Variants in SEMA3E observed in about 807,000 individuals in gnomAD.
SEMA3E encodes the protein semaphorin-3E.
In SEMA3E, 49 loss-of-function variants were observed where a neutral mutation model predicts 93.6. That is an observed-to-expected ratio of 0.52 (90% confidence interval 0.42 to 0.66). SEMA3E has a LOEUF of 0.66. Among genes scored for constraint, SEMA3E ranks in the 30% least tolerant of loss-of-function variants. The probability of loss-of-function intolerance (pLI) is 0.00; values close to 1 mark genes in which losing one functional copy is unlikely to be tolerated. For synonymous variants in SEMA3E, 363 were observed against 330.7 expected (o/e 1.10, Z -1.06); for missense variants, 906 against 964.8 (o/e 0.94, Z 0.81).
At chr7:83,623,082 A>G (rs892434009) in intron 1 of SEMA3E, among the ~76,000 whole-genome samples, 4 of 152,148 alleles carry the variant, frequency 2.6e-5, no homozygotes, top group African/African-American at 9.7e-5. Flanking sequence ...ACATGGAAAA[A>G]CAACATTATT....
rs1036141134 is a variant in SEMA3E at position 83,363,964 on chromosome 7, G to A, written c.*3622C>T. On this transcript the variant is annotated 3_prime_UTR_variant, in exon 17 of 17. Transcript: ENST00000643230. ...CTGCGGACTGCAGTGGCGCAATCTC[G>A]GCTCACTGCAAGCTCCGCTTCCCGG... is the stretch of plus-strand genomic sequence containing the variant. The A allele has an allele frequency of 7.3e-4, 92 of 126,802 alleles. 1 individual carries two copies. The highest frequency in any genetic ancestry group is 2.3e-3 in the African/African-American group (80 of 34,534). The allele number at this position is 126,802 out of a possible 1,614,324, so 7.9% of individuals were successfully genotyped here. A position where few individuals can be genotyped will look rare whatever the true frequency, so the allele number is the denominator to read the frequency against.
chr7:83,498,304 C>T (rs984038584), intron 1 of SEMA3E, among the ~76,000 whole-genome samples: 1 of 152,112 alleles, frequency 6.6e-6, no homozygotes, highest in African/African-American at 2.4e-5. Flanking sequence ...GTTGTTCAAG[C>T]ATCAGCTGTA....
chr7:83,463,649 T>A (rs1403495841), intron 4 of SEMA3E, among the ~76,000 whole-genome samples: 1 of 150,484 alleles, frequency 6.6e-6, no homozygotes, highest in African/African-American at 2.5e-5. Flanking sequence ...GATTTATTGA[T>A]GGCGGTTCCA....
At chr7:83,423,555 G>T (rs1279845091) in intron 4 of SEMA3E, among the ~76,000 whole-genome samples, 6 of 148,634 alleles carry the variant, frequency 4.0e-5, no homozygotes, top group Non-Finnish European at 8.9e-5. Flanking sequence ...CCAGGCTGGA[G>T]TGCAGTGGCA....
chr7:83,569,936 C>T (rs1792239545), intron 1 of SEMA3E, among the ~76,000 whole-genome samples: 2 of 152,178 alleles, frequency 1.3e-5, no homozygotes, highest in African/African-American at 2.4e-5. Flanking sequence ...CTCACCCATA[C>T]ATGGAACATA....
intron 1 of SEMA3E, among the ~76,000 whole-genome samples, chr7:83,495,496 G>T (rs918710127): frequency 3.3e-5 from 5 of 151,738 alleles, no homozygotes; most frequent in African/African-American, 4.8e-5. Flanking sequence ...GATCAAAGCA[G>T]TAAACTTTGA....
At chr7:83,460,692 ACCCCAATCCCTTATTTCTGCG>A (rs1340042983) in intron 4 of SEMA3E, among the ~76,000 whole-genome samples, 1 of 145,616 alleles carries the variant, frequency 6.9e-6, no homozygotes, top group African/African-American at 2.6e-5. Flanking sequence ...TTATTTCTGC[ACCCCAATCCCTTATTTCTGCG>A]CCCCGACCTC....
chr7:83,476,689 G>C (rs548216448), intron 2 of SEMA3E, among the ~76,000 whole-genome samples: 1 of 152,182 alleles, frequency 6.6e-6, no homozygotes, highest in East Asian at 1.9e-4. Flanking sequence ...AGCTAGTAAG[G>C]GAAATGATTT....
At chr7:83,385,166 G>T in intron 16 of SEMA3E, 128 bp downstream of exon 16, 1 of 867,774 alleles carries the variant, frequency 1.2e-6, no homozygotes, top group Non-Finnish European at 1.8e-6. Context: ...AAATAAAACT[G>T]ACTTATTAAA....
At chr7:83,582,240 T>C (rs1792531251) in intron 1 of SEMA3E, among the ~76,000 whole-genome samples, 1 of 150,540 alleles carries the variant, frequency 6.6e-6, no homozygotes, top group Non-Finnish European at 1.5e-5. Flanking sequence ...AAATAAATAG[T>C]AATATATACA....
At chr7:83,536,414 G>A (rs1791411318) in intron 1 of SEMA3E, among the ~76,000 whole-genome samples, 1 of 151,854 alleles carries the variant, frequency 6.6e-6, no homozygotes, top group Non-Finnish European at 1.5e-5. Context: ...ATACATTTTA[G>A]GTCTAATATA....
At chr7:83,598,525 T>C (rs1015261549) in intron 1 of SEMA3E, among the ~76,000 whole-genome samples, 1 of 152,190 alleles carries the variant, frequency 6.6e-6, no homozygotes, top group South Asian at 2.1e-4. Flanking sequence ...CCCATATAGA[T>C]AACTAAGTCA....
chr7:83,609,946 C>T (rs1443797612), intron 1 of SEMA3E, among the ~76,000 whole-genome samples: 1 of 151,792 alleles, frequency 6.6e-6, no homozygotes, highest in Non-Finnish European at 1.5e-5. Context: ...GCCAAAGAGA[C>T]TCCCCTCTAT....
intron 4 of SEMA3E, among the ~76,000 whole-genome samples, chr7:83,463,117 C>T (rs915940297): frequency 5.3e-5 from 8 of 150,676 alleles, no homozygotes; most frequent in African/African-American, 1.7e-4. Context: ...TAAAAACACA[C>T]GTGCTCTCCC....
At chr7:83,492,117 C>A (rs1242540533) in intron 1 of SEMA3E, among the ~76,000 whole-genome samples, 1 of 151,966 alleles carries the variant, frequency 6.6e-6, no homozygotes, top group Non-Finnish European at 1.5e-5. Context: ...TGAATGTGTA[C>A]AACTGATGAA....
At chr7:83,641,306 A>T in intron 1 of SEMA3E, 1 of 809,624 alleles carries the variant, frequency 1.2e-6, no homozygotes, top group Non-Finnish European at 1.5e-6. Context: ...AGTGTCAGGA[A>T]CTGTGCATGG....
intron 1 of SEMA3E, among the ~76,000 whole-genome samples, chr7:83,571,297 GATGAGCATATAGATATAAAAACTTCAACA>G: frequency 6.6e-6 from 1 of 152,240 alleles, no homozygotes; most frequent in East Asian, 1.9e-4. Context: ...CCATATCCCT[GATGAGCATATAGATATAAAAACTTCAACA>G]AAATACTAGC....
chr7:83,569,928 CA>C (rs1792239360), intron 1 of SEMA3E, among the ~76,000 whole-genome samples: 1 of 152,188 alleles, frequency 6.6e-6, no homozygotes, highest in Non-Finnish European at 1.5e-5. Context: ...AAATTATTCT[CA>C]CCCATACATG....
intron 11 of SEMA3E, among the ~76,000 whole-genome samples, chr7:83,399,703 T>G (rs1000271843): frequency 3.9e-5 from 6 of 152,216 alleles, no homozygotes; most frequent in African/African-American, 1.4e-4. Flanking sequence ...TGATCATGTA[T>G]AAGGAATTTT....
Sources: gnomAD v4.1 joint callset for allele counts (sites outside exome capture counted in the v4.1 genomes callset) on GRCh38, gnomAD v4.1.1 for gene constraint, MANE v1.5 for transcripts, NCBI Gene and HGNC (gene_info 2026-07-23, HGNC 2026-07-21) for gene names.